The following MSL2 variants were observed in gnomAD, a reference collection of about 807,000 sequenced individuals.
MSL2 encodes E3 ubiquitin-protein ligase MSL2.
A neutral mutation model predicts 35.8 loss-of-function variants in MSL2; 2 were observed. That is an observed-to-expected ratio of 0.06 (90% CI 0.02 to 0.18). The LOEUF (loss-of-function observed/expected upper bound fraction) is 0.18. Ranked by LOEUF, MSL2 falls within the 10% of genes least tolerant of loss-of-function variation. The probability of loss-of-function intolerance (pLI) is 1.00; values close to 1 mark genes in which losing one functional copy is unlikely to be tolerated. For synonymous variants in MSL2, 296 were observed against 255.7 expected (o/e 1.16, Z -1.50); for missense variants, 523 against 706.7 (o/e 0.74, Z 2.95).
In MSL2 at chr3:136,182,715, C is replaced by CAA. The variant is rs1173234700; in HGVS notation, c.142+12255_142+12256dup. Among the ~76,000 whole-genome samples the CAA allele has an allele frequency of 9.3e-4, 96 of 102,860 alleles. No individual in the cohort carries two copies. The East Asian group carries it at 9.4e-3, about 10-fold the overall frequency. 67.5% of individuals were successfully genotyped at this position (102,860 alleles called of 152,430 possible). ...TGGGAGACAGAGCGAGACTCCGTCT[C>CAA]AAAAAAAAAAAAAAAGAGAAAGAAG... On this transcript the variant is annotated intron_variant, in intron 1 of 1. Coordinates refer to ENST00000309993, the MANE Select transcript of MSL2 (RefSeq NM_018133.4).
intron 1 of MSL2, chr3:136,153,168 A>T: frequency 1.8e-6 from 1 of 567,668 alleles, no homozygotes; most frequent in Non-Finnish European, 2.2e-6. Flanking sequence ...CCTAGAGTTC[A>T]GGCTACGGTG....
chr3:136,181,824 C>T (rs1353656136), intron 1 of MSL2, among the ~76,000 whole-genome samples: 1 of 151,916 alleles, frequency 6.6e-6, no homozygotes, highest in East Asian at 1.9e-4. Context: ...GAGGCTGAGG[C>T]AGAAGAACTG....
chr3:136,155,047 A>C (rs917925718), intron 1 of MSL2, among the ~76,000 whole-genome samples: 2 of 151,990 alleles, frequency 1.3e-5, no homozygotes, highest in African/African-American at 4.8e-5. Context: ...ATCTCTACTA[A>C]AAATACAAAA....
intron 1 of MSL2, among the ~76,000 whole-genome samples, chr3:136,179,140 G>A (rs931445395): frequency 1.3e-5 from 2 of 151,646 alleles, no homozygotes; most frequent in African/African-American, 4.8e-5. Flanking sequence ...TTAGTGTAAT[G>A]GTCATAAACC....
chr3:136,188,427 C>T (rs1019243301), intron 1 of MSL2, among the ~76,000 whole-genome samples: 3 of 147,200 alleles, frequency 2.0e-5, no homozygotes, highest in African/African-American at 7.5e-5. Context: ...AGCAAGACTC[C>T]ATCTGGAAGA....
chr3:136,170,047 A>T (rs887821822), intron 1 of MSL2, among the ~76,000 whole-genome samples: 1 of 130,478 alleles, frequency 7.7e-6, no homozygotes, highest in Non-Finnish European at 1.6e-5. Context: ...AGACTCCATT[A>T]AAAAAAAAAA....
chr3:136,162,501 G>A (rs1016983019), intron 1 of MSL2, among the ~76,000 whole-genome samples: 2 of 152,072 alleles, frequency 1.3e-5, no homozygotes, highest in Admixed American at 1.3e-4. Flanking sequence ...ACGATGGCTT[G>A]AGCCTGGGCC....
chr3:136,162,033 G>A (rs575716419), intron 1 of MSL2, among the ~76,000 whole-genome samples: 21 of 151,934 alleles, frequency 1.4e-4, no homozygotes, highest in African/African-American at 4.8e-4. Context: ...TGCCTCCTGG[G>A]TTCAAGCAAT....
intron 1 of MSL2, among the ~76,000 whole-genome samples, chr3:136,191,852 A>G (rs1559975138): frequency 6.6e-6 from 1 of 152,224 alleles, no homozygotes; most frequent in Non-Finnish European, 1.5e-5. Flanking sequence ...AAGAAGATAA[A>G]GGCAATTGGC....
At chr3:136,165,831 T>G (rs1012292337) in intron 1 of MSL2, among the ~76,000 whole-genome samples, 2 of 151,632 alleles carry the variant, frequency 1.3e-5, no homozygotes, top group African/African-American at 4.8e-5. Flanking sequence ...CATAACAGGG[T>G]GACTACAGTC....
At position 136,195,800 on chromosome 3, in the gene MSL2, G is replaced by A. The variant is rs953383924; in HGVS notation, c.-687C>T. The A allele has an allele frequency of 2.0e-5, 20 of 984,972 alleles. No individual in the cohort carries two copies. Among genetic ancestry groups the A allele is most frequent in the Non-Finnish European group, 2.3e-5 (19 of 829,854 alleles). 61.0% of individuals were successfully genotyped at this position (984,972 alleles called of 1,614,324 possible). Reference sequence around the variant, plus strand: ...GCCCGCAGTTCCCCGAGGTGGCGAGGCGGGCGGGAGTCCTCAACCCGGAGG... The same window carrying A: ...GCCCGCAGTTCCCCGAGGTGGCGAGACGGGCGGGAGTCCTCAACCCGGAGG... On this transcript the variant is annotated 5_prime_UTR_variant, in exon 1 of 2. Transcript: ENST00000309993.
intron 1 of MSL2, among the ~76,000 whole-genome samples, chr3:136,182,793 T>C (rs898182335): frequency 6.6e-6 from 1 of 151,344 alleles, no homozygotes; most frequent in African/African-American, 2.4e-5. Context: ...TACTGATTAA[T>C]TAGCACATGC....
chr3:136,167,015 C>T (rs1051001358), intron 1 of MSL2, among the ~76,000 whole-genome samples: 2 of 151,804 alleles, frequency 1.3e-5, no homozygotes, highest in African/African-American at 4.8e-5. Context: ...ATACTTTGAC[C>T]AGATTATGGG....
intron 1 of MSL2, among the ~76,000 whole-genome samples, chr3:136,178,975 TTTTC>T (rs1447975330): frequency 2.4e-4 from 34 of 141,868 alleles, no homozygotes; most frequent in Non-Finnish European, 3.7e-4. Flanking sequence ...ATTTTGTTGG[TTTTC>T]TTTTTTTTTT....
chr3:136,171,159 T>C (rs1440874061), intron 1 of MSL2, among the ~76,000 whole-genome samples: 2 of 152,212 alleles, frequency 1.3e-5, no homozygotes, highest in Non-Finnish European at 2.9e-5. Flanking sequence ...ATTTAGCAAG[T>C]CATTGCTGTT....
intron 1 of MSL2, among the ~76,000 whole-genome samples, chr3:136,179,934 C>T (rs961863789): frequency 2.0e-5 from 3 of 151,944 alleles, no homozygotes; most frequent in Admixed American, 6.6e-5. Context: ...GGCGTGGTGG[C>T]GGGGGCCTGT....
intron 1 of MSL2, among the ~76,000 whole-genome samples, chr3:136,158,768 T>C (rs1456436421): frequency 6.6e-6 from 1 of 152,166 alleles, no homozygotes; most frequent in East Asian, 1.9e-4. Context: ...TTTAGCAAGG[T>C]CATAGCACAA....
At position 136,195,229 on chromosome 3, in the gene MSL2, C is replaced by A; in HGVS notation, c.-116G>T. ...CAATTCGGAAGAAATCAGAGCCGAA[C>A]CATTGGCCAAACAAGTAACCAAAAT... On this transcript the variant is annotated 5_prime_UTR_variant, in exon 1 of 2. Coordinates refer to ENST00000309993, the MANE Select transcript of MSL2 (RefSeq NM_018133.4). 6.6e-7 allele frequency: 1 copy of A among 1,511,368 alleles called. No individual in the cohort carries two copies. 93.6% of individuals were successfully genotyped at this position (1,511,368 alleles called of 1,614,324 possible).
chr3:136,171,593 G>A (rs1940026431), intron 1 of MSL2, among the ~76,000 whole-genome samples: 2 of 152,124 alleles, frequency 1.3e-5, no homozygotes, highest in African/African-American at 4.8e-5. Flanking sequence ...TTACATCATG[G>A]CATCCACTAC....
Sources: allele counts gnomAD v4.1 joint callset (sites outside exome capture counted in the v4.1 genomes callset), GRCh38; gene constraint gnomAD v4.1.1; transcripts MANE v1.5; gene names NCBI Gene and HGNC (gene_info 2026-07-23, HGNC 2026-07-21).